Variants in AATF observed in about 807,000 individuals in gnomAD.
The protein encoded by AATF is apoptosis antagonizing transcription factor.
A neutral mutation model predicts 63.7 loss-of-function variants in AATF; 48 were observed. The ratio of observed to expected loss-of-function variants is 0.75; its 90% CI spans 0.60 to 0.96. The LOEUF (loss-of-function observed/expected upper bound fraction) is 0.96. Ranked by LOEUF, AATF falls within the 40% of genes least tolerant of loss-of-function variation. The probability of loss-of-function intolerance (pLI) is 0.00; values close to 1 mark genes in which losing one functional copy is unlikely to be tolerated. For missense variants in AATF, 639 were observed against 685.7 expected (o/e 0.93, Z 0.76); for synonymous variants, 258 against 247.7 (o/e 1.04, Z -0.39).
intron 4 of AATF, among the ~76,000 whole-genome samples, chr17:36,984,178 AT>A (rs1205248031): frequency 6.6e-6 from 1 of 152,218 alleles, no homozygotes; most frequent in Non-Finnish European, 1.5e-5. Flanking sequence ...GAATGTCGGG[AT>A]TGTTGAACGG....
intron 11 of AATF, among the ~76,000 whole-genome samples, chr17:37,032,037 G>T (rs1342533800): frequency 6.6e-6 from 1 of 152,170 alleles, no homozygotes; most frequent in African/African-American, 2.4e-5. Flanking sequence ...TGGCTCTAGT[G>T]AGTGCTCTGG....
chr17:37,019,259 A>C (rs1046516932), intron 9 of AATF, among the ~76,000 whole-genome samples, 187 bp downstream of exon 9: 5 of 152,362 alleles, frequency 3.3e-5, no homozygotes, highest in African/African-American at 1.2e-4. Context: ...TTTGTAAAGA[A>C]ATTATAAAAC....
chr17:37,034,366 GT>G (rs201315340), intron 11 of AATF, among the ~76,000 whole-genome samples: 1 of 150,196 alleles, frequency 6.7e-6, no homozygotes, highest in Non-Finnish European at 1.5e-5. Context: ...ATCCTCCTTT[GT>G]TTTTTTTTAG....
chr17:36,963,652 T>G (rs1206163161), intron 4 of AATF, among the ~76,000 whole-genome samples: 1 of 152,252 alleles, frequency 6.6e-6, no homozygotes, highest in African/African-American at 2.4e-5. Context: ...ACAGTACTCC[T>G]TTGACTGACA....
At chr17:36,965,902 C>T (rs1052640176) in intron 4 of AATF, among the ~76,000 whole-genome samples, 3 of 152,052 alleles carry the variant, frequency 2.0e-5, no homozygotes, top group East Asian at 1.9e-4. Flanking sequence ...GAGATGGGGT[C>T]TTGCAGTGTT....
chr17:37,024,705 TC>T (rs2071498059), intron 10 of AATF, among the ~76,000 whole-genome samples: 1 of 152,190 alleles, frequency 6.6e-6, no homozygotes. Flanking sequence ...ACACCTGTAA[TC>T]CCAGCACTTT....
intron 11 of AATF, among the ~76,000 whole-genome samples, chr17:37,035,917 A>G (rs1343619803): frequency 2.6e-5 from 4 of 152,156 alleles, no homozygotes; most frequent in Admixed American, 2.0e-4. Context: ...AAATCATTCA[A>G]TGAATTTATT....
chr17:37,049,958 C>A (rs1567998659), intron 11 of AATF, among the ~76,000 whole-genome samples: 1 of 152,108 alleles, frequency 6.6e-6, no homozygotes, highest in Non-Finnish European at 1.5e-5. Context: ...GCTGCGGGTT[C>A]TGGAGACCTT....
chr17:36,998,698 G>C (rs2071272586), intron 8 of AATF: 1 of 152,110 alleles, frequency 6.6e-6, no homozygotes, highest in Non-Finnish European at 1.5e-5. Flanking sequence ...GGCCAGCCTG[G>C]ACAATATAGT....
At chr17:37,036,591 C>T (rs1433479629) in intron 11 of AATF, among the ~76,000 whole-genome samples, 1 of 151,728 alleles carries the variant, frequency 6.6e-6, no homozygotes, top group Non-Finnish European at 1.5e-5. Flanking sequence ...TCTCTTCAAG[C>T]GATCTATTTT....
intron 4 of AATF, among the ~76,000 whole-genome samples, chr17:36,957,332 G>A (rs575989824): frequency 2.6e-5 from 4 of 152,298 alleles, no homozygotes; most frequent in Admixed American, 2.0e-4. Flanking sequence ...CACCATGAAT[G>A]TTAGGTACTA....
rs762596616 is a variant in AATF, at chr17:36,986,640, T to A, written c.856T>A (p.Leu286Met). The A allele has an allele frequency of 6.2e-7, 1 of 1,614,128 alleles. No individual in the cohort carries two copies. Among genetic ancestry groups the A allele is most frequent in the Non-Finnish European group, 8.5e-7 (1 of 1,180,004 alleles). The change falls in exon 5 of 12, where the codon TTG (leucine) becomes ATG (methionine). Residue 286 changes from leucine to methionine, a missense_variant. Transcript: ENST00000619387. ...AGGTCACAAGGCACTTAAAGCATTG[T>A]TGAGGTCATTGGTAGGTCTTCAGGA... ...KNSHKALKAL[L>M]RSLVGLQEEL...
intron 1 of AATF, among the ~76,000 whole-genome samples, chr17:36,949,550 C>G (rs560406699): frequency 6.6e-6 from 1 of 152,208 alleles, no homozygotes; most frequent in Non-Finnish European, 1.5e-5. Flanking sequence ...TGAGGATGCC[C>G]TTTCTGGTAT....
At chr17:36,983,432 C>A (rs2142240865) in intron 4 of AATF, among the ~76,000 whole-genome samples, 1 of 152,200 alleles carries the variant, frequency 6.6e-6, no homozygotes, top group South Asian at 2.1e-4. Flanking sequence ...ACTGCAACCT[C>A]CACCTCACGG....
At chr17:36,959,179 C>T (rs187589624) in intron 4 of AATF, among the ~76,000 whole-genome samples, 69 of 151,912 alleles carry the variant, frequency 4.5e-4, no homozygotes, top group African/African-American at 1.3e-3. Context: ...TGTGGTGGCT[C>T]ATGCCTGTAA....
At chr17:36,953,510 C>G (rs188724812) in intron 3 of AATF, among the ~76,000 whole-genome samples, 1 of 152,264 alleles carries the variant, frequency 6.6e-6, no homozygotes, top group Non-Finnish European at 1.5e-5. Context: ...CTAGTACTTC[C>G]TGCAACTGGG....
In AATF at chr17:36,953,153, A is replaced by G. The variant is rs1352985479; in HGVS notation, c.551A>G (p.Asp184Gly). 8 of 1,614,136 alleles carry G rather than the reference A, an allele frequency of 5.0e-6. No individual in the cohort carries two copies. The highest frequency in any genetic ancestry group is 4.4e-5 in the South Asian group (4 of 91,070). ...GAAGAGAGTGGCATGGAAGAAGGGGATGACGCGGAAGACTCCCAAGGCGAG... is the reference window on the plus strand; with the variant it reads ...GAAGAGAGTGGCATGGAAGAAGGGGGTGACGCGGAAGACTCCCAAGGCGAG... Reference protein sequence around the residue: ...EDEESGMEEGDDAEDSQGESE... With the variant: ...EDEESGMEEGGDAEDSQGESE... The change falls in exon 3 of 12, where the codon GAT (aspartate) becomes GGT (glycine). Residue 184 changes from aspartate (D) to glycine (G), a missense_variant. Transcript: ENST00000619387.
intron 4 of AATF, among the ~76,000 whole-genome samples, chr17:36,961,292 A>G (rs575957177): frequency 6.6e-6 from 1 of 152,348 alleles, no homozygotes; most frequent in South Asian, 2.1e-4. Flanking sequence ...TTGTACATAC[A>G]TATTTGTGCA....
chr17:37,017,104 G>T (rs1026701844), intron 8 of AATF, among the ~76,000 whole-genome samples: 4 of 152,208 alleles, frequency 2.6e-5, no homozygotes, highest in Non-Finnish European at 5.9e-5. Flanking sequence ...TTTGGCAAGG[G>T]CATATTCTTC....
Sources: allele counts gnomAD v4.1 joint callset (sites outside exome capture counted in the v4.1 genomes callset), GRCh38; gene constraint gnomAD v4.1.1; transcripts MANE v1.5; gene names NCBI Gene and HGNC (gene_info 2026-07-23, HGNC 2026-07-21).